LRP1B: variants seen among roughly 807,000 people sequenced by gnomAD.
LRP1B encodes the protein low-density lipoprotein receptor-related protein 1B.
Under a neutral mutation model 556.6 loss-of-function variants are expected in LRP1B, and 217 were observed. The ratio of observed to expected loss-of-function variants is 0.39; its 90% CI spans 0.35 to 0.44. LRP1B has a LOEUF of 0.44. Ranked by LOEUF, LRP1B falls within the 20% of genes least tolerant of loss-of-function variation. The pLI is 1.00. For synonymous variants in LRP1B, 2,047 were observed against 1,865.8 expected, an observed-to-expected ratio of 1.10 and a Z score of -2.50; for missense variants, 5,053 against 5,620.8, an observed-to-expected ratio of 0.90 and a Z score of 3.23.
chr2:141,037,957 AC>A (rs1698584036), intron 11 of LRP1B, among the ~76,000 whole-genome samples: 1 of 151,788 alleles, frequency 6.6e-6, no homozygotes, highest in Non-Finnish European at 1.5e-5. Context: ...TAAAAGATCT[AC>A]CAGGCTCACA....
chr2:142,096,194 T>G (rs1164256567), intron 1 of LRP1B, among the ~76,000 whole-genome samples: 2 of 151,818 alleles, frequency 1.3e-5, no homozygotes, highest in African/African-American at 2.4e-5. Context: ...AGGGAGAAAT[T>G]TATCAGTTTT....
At chr2:141,092,271 C>A (rs902376413) in intron 7 of LRP1B, among the ~76,000 whole-genome samples, 1 of 152,234 alleles carries the variant, frequency 6.6e-6, no homozygotes, top group Admixed American at 6.5e-5. Flanking sequence ...CCATTGGACA[C>A]TGTATATTTT....
At chr2:141,230,244 A>G (rs946506662) in intron 5 of LRP1B, among the ~76,000 whole-genome samples, 2 of 152,224 alleles carry the variant, frequency 1.3e-5, no homozygotes, top group Admixed American at 6.5e-5. Context: ...GAAATAGGAA[A>G]TATGTGGAAA....
chr2:140,645,787 C>T (rs1292623889), intron 41 of LRP1B, among the ~76,000 whole-genome samples: 3 of 151,862 alleles, frequency 2.0e-5, no homozygotes, highest in African/African-American at 7.3e-5. Context: ...ATCCGCCCGC[C>T]TCGGCCTCCC....
In LRP1B at chr2:140,358,846, G is replaced by A. The variant is rs2105137897; in HGVS notation, c.11232C>T (p.Asp3744=). The A allele has an allele frequency of 6.2e-7, 1 of 1,608,674 alleles. No individual in the cohort carries two copies. The highest frequency in any genetic ancestry group is 8.5e-7 in the Non-Finnish European group (1 of 1,176,016). The change falls in exon 73 of 91, where the codon GAC becomes GAT. Residue 3744 remains aspartate (D), a synonymous_variant. Coordinates refer to ENST00000389484, the MANE Select transcript of LRP1B (RefSeq NM_018557.3). ...CACCACAGTGATCTTCATCTGAATT[G>A]TCACCGCATTCATCAATCCCATTGC... ...QMCNGIDECG[D]NSDEDHCGGK...
chr2:140,636,937 T>C (rs187007763), intron 41 of LRP1B, among the ~76,000 whole-genome samples: 1 of 152,276 alleles, frequency 6.6e-6, no homozygotes, highest in Non-Finnish European at 1.5e-5. Context: ...AGCCACCAGA[T>C]TGAGAAGATG....
At chr2:142,082,959 A>G (rs952603336) in intron 1 of LRP1B, among the ~76,000 whole-genome samples, 1 of 152,170 alleles carries the variant, frequency 6.6e-6, no homozygotes, top group African/African-American at 2.4e-5. Flanking sequence ...CAAGATAAGA[A>G]GAGTGTTTTA....
chr2:141,605,316 ATATT>A (rs1211256385), intron 2 of LRP1B, among the ~76,000 whole-genome samples: 1 of 152,084 alleles, frequency 6.6e-6, no homozygotes, highest in Non-Finnish European at 1.5e-5. Flanking sequence ...AAATCCTAAA[ATATT>A]TATCATCTAG....
intron 66 of LRP1B, among the ~76,000 whole-genome samples, chr2:140,425,538 G>A (rs571772710): frequency 3.3e-5 from 5 of 152,120 alleles, no homozygotes; most frequent in Non-Finnish European, 7.4e-5. Context: ...AGCCTCCTGA[G>A]TAGCTGGGAA....
intron 1 of LRP1B, among the ~76,000 whole-genome samples, chr2:141,983,417 C>T (rs1210030771): frequency 2.6e-5 from 4 of 152,096 alleles, no homozygotes; most frequent in Non-Finnish European, 4.4e-5. Flanking sequence ...CTCTTTTATG[C>T]CAATGGCAGA....
chr2:140,604,503 A>G (rs1203815038), intron 41 of LRP1B, among the ~76,000 whole-genome samples: 1 of 152,158 alleles, frequency 6.6e-6, no homozygotes, highest in African/African-American at 2.4e-5. Flanking sequence ...ACTTCAGTTC[A>G]TAGAGAACAT....
chr2:142,113,913 T>A (rs1197828730), intron 1 of LRP1B, among the ~76,000 whole-genome samples: 1 of 152,106 alleles, frequency 6.6e-6, no homozygotes, highest in African/African-American at 2.4e-5. Context: ...ACTGGAAACA[T>A]CACTAACTGA....
At chr2:141,068,284 G>A (rs1699536406) in intron 7 of LRP1B, among the ~76,000 whole-genome samples, 1 of 151,944 alleles carries the variant, frequency 6.6e-6, no homozygotes, top group African/African-American at 2.4e-5. Flanking sequence ...GGTTTACTAG[G>A]CAAAGAAAGA....
At chr2:140,871,877 T>G (rs546611113) in intron 25 of LRP1B, among the ~76,000 whole-genome samples, 5 of 152,060 alleles carry the variant, frequency 3.3e-5, no homozygotes, top group Non-Finnish European at 7.4e-5. Flanking sequence ...TAGCAGCAAT[T>G]TATCCTAGCT....
At chr2:140,721,536 CTTTTTTTTTTTT>C (rs10616730) in intron 35 of LRP1B, among the ~76,000 whole-genome samples, 34 of 69,568 alleles carry the variant, frequency 4.9e-4, no homozygotes, top group Admixed American at 2.5e-3. Flanking sequence ...CAAAGATGCA[CTTTTTTTTTTTT>C]TTTTTTTTTT....
chr2:140,903,713 ATTTATT>A (rs1401278399), intron 22 of LRP1B, among the ~76,000 whole-genome samples: 1 of 151,824 alleles, frequency 6.6e-6, no homozygotes, highest in African/African-American at 2.4e-5. Flanking sequence ...AGCTGTAGGC[ATTTATT>A]TTTAAGTTAG....
chr2:140,334,962 T>C (rs1680997695), intron 78 of LRP1B, among the ~76,000 whole-genome samples: 1 of 152,026 alleles, frequency 6.6e-6, no homozygotes, highest in African/African-American at 2.4e-5. Flanking sequence ...GAGAAGTAAC[T>C]ATTTTCCCAA....
At chr2:140,639,655 C>T (rs76108882) in intron 41 of LRP1B, among the ~76,000 whole-genome samples, 4,452 of 152,256 alleles carry the variant, frequency 0.029, 100 homozygotes, top group South Asian at 0.05. Context: ...CCTTCAGTCT[C>T]TTTTTCTCCA....
chr2:141,014,286 T>A (rs1456443840), intron 13 of LRP1B, among the ~76,000 whole-genome samples: 1 of 152,072 alleles, frequency 6.6e-6, no homozygotes, highest in Non-Finnish European at 1.5e-5. Flanking sequence ...AAGATTTTAA[T>A]TTAAACACAG....
Sources: gnomAD v4.1 joint callset for allele counts (sites outside exome capture counted in the v4.1 genomes callset) on GRCh38, gnomAD v4.1.1 for gene constraint, MANE v1.5 for transcripts, NCBI Gene and HGNC (gene_info 2026-07-23, HGNC 2026-07-21) for gene names.